NUDT3: variants seen among roughly 807,000 people sequenced by gnomAD.
NUDT3 encodes nudix hydrolase 3.
NUDT3 carries 9 observed loss-of-function variants against 23.6 expected under a neutral mutation model. The ratio of observed to expected loss-of-function variants is 0.38; its 90% confidence interval spans 0.23 to 0.66. The LOEUF (loss-of-function observed/expected upper bound fraction) is 0.66, where lower values mean the gene tolerates loss of function less well. Among genes scored for constraint, NUDT3 ranks in the 30% least tolerant of loss-of-function variants. The probability of loss-of-function intolerance (pLI) is 0.52; values close to 1 mark genes in which losing one functional copy is unlikely to be tolerated. For missense variants in NUDT3, 172 were observed against 218.5 expected (o/e 0.79, Z 1.34); for synonymous variants, 86 against 82.6 (o/e 1.04, Z -0.22).
intron 2 of NUDT3, among the ~76,000 whole-genome samples, chr6:34,301,760 C>T (rs1763601228): frequency 1.3e-5 from 2 of 152,220 alleles, no homozygotes; most frequent in South Asian, 4.1e-4. Flanking sequence ...GTTTGTTATA[C>T]AGCAAACTGA....
Position 34,297,766 on chromosome 6 carries a change from T to A in NUDT3, c.211-2081A>T, listed in dbSNP as rs1263947899. Among the ~76,000 whole-genome samples, 48 of 134,680 alleles carry A rather than the reference T, an allele frequency of 3.6e-4. 2 individuals are homozygous for A. Among genetic ancestry groups the A allele is most frequent in the African/African-American group, 5.9e-4 (21 of 35,558 alleles). The allele number at this position is 134,680 out of a possible 152,430, so 88.4% of individuals were successfully genotyped here. On this transcript the variant is annotated intron_variant, in intron 2 of 4. Transcript: ENST00000607016. Reference sequence around the variant, plus strand: ...ATATATATATATATATATAATTTTTTTTTTTTTTTTAGTAGAGACGGGGTT... The same window carrying A: ...ATATATATATATATATATAATTTTTATTTTTTTTTTAGTAGAGACGGGGTT...
intron 2 of NUDT3, among the ~76,000 whole-genome samples, chr6:34,319,104 G>GT (rs1763902717): frequency 6.6e-6 from 1 of 151,832 alleles, no homozygotes; most frequent in African/African-American, 2.4e-5. Context: ...CTCAAACCAT[G>GT]TTTTTTCTGT....
chr6:34,333,922 A>G (rs1764166738), intron 2 of NUDT3, among the ~76,000 whole-genome samples: 1 of 152,264 alleles, frequency 6.6e-6, no homozygotes, highest in South Asian at 2.1e-4. Flanking sequence ...GAGTCAACAG[A>G]CACGTAAGTT....
At chr6:34,334,570 C>T (rs1376298982) in intron 2 of NUDT3, among the ~76,000 whole-genome samples, 1 of 151,790 alleles carries the variant, frequency 6.6e-6, no homozygotes, top group Non-Finnish European at 1.5e-5. Flanking sequence ...ACCCAGGAGG[C>T]GGAGGTTGCA....
intron 1 of NUDT3, among the ~76,000 whole-genome samples, chr6:34,358,291 A>ACACACACC (rs1305207158): frequency 8.7e-5 from 13 of 150,078 alleles, no homozygotes; most frequent in Middle Eastern, 3.4e-3. Flanking sequence ...ACACACACAC[A>ACACACACC]CCCCTTATAA....
At chr6:34,367,130 C>G (rs528905986) in intron 1 of NUDT3, among the ~76,000 whole-genome samples, 1 of 152,184 alleles carries the variant, frequency 6.6e-6, no homozygotes, top group South Asian at 2.1e-4. Flanking sequence ...GTAATCCACC[C>G]GCCTCAGCCT....
chr6:34,376,557 G>A (rs1313007746), intron 1 of NUDT3, among the ~76,000 whole-genome samples: 1 of 152,088 alleles, frequency 6.6e-6, no homozygotes, highest in African/African-American at 2.4e-5. Context: ...GATTACAGGC[G>A]TGAGCCACCA....
chr6:34,306,163 T>C (rs977976377), intron 2 of NUDT3, among the ~76,000 whole-genome samples: 1 of 152,252 alleles, frequency 6.6e-6, no homozygotes, highest in Non-Finnish European at 1.5e-5. Flanking sequence ...GTCTTCAATA[T>C]GGCTATTGAG....
chr6:34,348,069 C>A (rs778251089), intron 1 of NUDT3, among the ~76,000 whole-genome samples: 1 of 151,694 alleles, frequency 6.6e-6, no homozygotes, highest in Non-Finnish European at 1.5e-5. Flanking sequence ...GAGGCTGAGG[C>A]GGGCAGATCA....
intron 1 of NUDT3, among the ~76,000 whole-genome samples, chr6:34,391,403 T>C (rs187119578): frequency 6.1e-4 from 93 of 152,310 alleles, no homozygotes; most frequent in African/African-American, 2.1e-3. Context: ...ACAAAACATG[T>C]GCTTCTCTGA....
At chr6:34,364,897 TG>T (rs1764703393) in intron 1 of NUDT3, among the ~76,000 whole-genome samples, 1 of 152,092 alleles carries the variant, frequency 6.6e-6, no homozygotes, top group South Asian at 2.1e-4. Context: ...GGCGGGTGCC[TG>T]TAGTCCGAGC....
rs963183669 is a variant in NUDT3, at chr6:34,287,004, CCT to C, written c.*1747_*1748del. 9.9e-5 allele frequency: 15 copies of C among 152,084 alleles called. No individual in the cohort carries two copies. Among genetic ancestry groups the C allele is most frequent in the Middle Eastern group, 6.8e-3 (2 of 294 alleles). 9.4% of individuals were successfully genotyped at this position (152,084 alleles called of 1,614,324 possible). Reference sequence around the variant, plus strand: ...ATGTTGGTCAGGCTGGTCTCAAACTCCTGACCTCAGGTGATCCACCTGCCTCA... The same window carrying C: ...ATGTTGGTCAGGCTGGTCTCAAACTCGACCTCAGGTGATCCACCTGCCTCA... On this transcript the variant is annotated 3_prime_UTR_variant, in exon 5 of 5. Coordinates refer to ENST00000607016, the MANE Select transcript of NUDT3 (RefSeq NM_006703.4).
At chr6:34,384,570 G>GGGA in intron 1 of NUDT3, among the ~76,000 whole-genome samples, 2 of 152,250 alleles carry the variant, frequency 1.3e-5, no homozygotes, top group East Asian at 3.9e-4. Context: ...AAAGGCTGGG[G>GGGA]GAAGAGGGAT....
intron 1 of NUDT3, among the ~76,000 whole-genome samples, chr6:34,371,957 T>C (rs1019595307): frequency 2.0e-5 from 3 of 152,226 alleles, no homozygotes; most frequent in Non-Finnish European, 2.9e-5. Flanking sequence ...AGTGTTCTTA[T>C]TGTTCAATTC....
chr6:34,347,480 G>A (rs1389905426), intron 1 of NUDT3, among the ~76,000 whole-genome samples: 5 of 152,188 alleles, frequency 3.3e-5, no homozygotes, highest in Non-Finnish European at 7.3e-5. Flanking sequence ...TGATATAGGT[G>A]GCTCTGCAGA....
At chr6:34,391,989 C>T (rs569567244) in intron 1 of NUDT3, among the ~76,000 whole-genome samples, 51 of 152,318 alleles carry the variant, frequency 3.3e-4, no homozygotes, top group East Asian at 2.7e-3. Context: ...CCGCTCTCCC[C>T]GGTAACAGGC....
intron 2 of NUDT3, among the ~76,000 whole-genome samples, chr6:34,313,661 C>T (rs1404459754): frequency 6.6e-6 from 1 of 150,376 alleles, no homozygotes; most frequent in Non-Finnish European, 1.5e-5. Context: ...TCTAAAACGG[C>T]TTAAAAAAAA....
intron 1 of NUDT3, among the ~76,000 whole-genome samples, chr6:34,369,648 C>A (rs79559690): frequency 6.6e-6 from 1 of 152,146 alleles, no homozygotes; most frequent in African/African-American, 2.4e-5. Context: ...GACAGGGAAG[C>A]CTTTGGTCTA....
At chr6:34,328,364 G>C (rs1343497952) in intron 2 of NUDT3, among the ~76,000 whole-genome samples, 1 of 152,152 alleles carries the variant, frequency 6.6e-6, no homozygotes, top group Non-Finnish European at 1.5e-5. Context: ...ACTACCACTA[G>C]TGTATTAGTG....
Sources: allele counts gnomAD v4.1 joint callset (sites outside exome capture counted in the v4.1 genomes callset), GRCh38; gene constraint gnomAD v4.1.1; transcripts MANE v1.5; gene names NCBI Gene and HGNC (gene_info 2026-07-23, HGNC 2026-07-21).